The following SLIT3 variants were observed in gnomAD, a reference collection of about 807,000 sequenced individuals.
SLIT3 encodes the protein slit homolog 3 protein.
SLIT3 carries 68 observed loss-of-function variants against 184.0 expected under a neutral mutation model. The observed-to-expected ratio is 0.37, with a 90% confidence interval of 0.30 to 0.45. The LOEUF is 0.45. SLIT3 is among the 20% of genes least tolerant of loss of function. The probability of loss-of-function intolerance (pLI) is 1.00; values close to 1 mark genes in which losing one functional copy is unlikely to be tolerated. For synonymous variants in SLIT3, 831 were observed against 828.6 expected, an observed-to-expected ratio of 1.00 and a Z score of -0.05; for missense variants, 1,707 against 2,026.0, an observed-to-expected ratio of 0.84 and a Z score of 3.02.
intron 4 of SLIT3, among the ~76,000 whole-genome samples, chr5:168,946,989 G>A (rs1309948443): frequency 3.9e-5 from 6 of 152,026 alleles, no homozygotes; most frequent in Non-Finnish European, 8.8e-5. Context: ...GAATGTATGG[G>A]GGTGTATTGT....
chr5:168,825,813 G>A (rs1757685220), intron 6 of SLIT3, among the ~76,000 whole-genome samples: 1 of 152,238 alleles, frequency 6.6e-6, no homozygotes, highest in Non-Finnish European at 1.5e-5. Context: ...TCCTGGGGGT[G>A]AGGGCTATGC....
intron 4 of SLIT3, among the ~76,000 whole-genome samples, chr5:169,170,164 C>T (rs1159527316): frequency 6.6e-6 from 1 of 152,202 alleles, no homozygotes; most frequent in Non-Finnish European, 1.5e-5. Context: ...CACATTTGAA[C>T]ACCTCATGCC....
intron 4 of SLIT3, among the ~76,000 whole-genome samples, chr5:168,968,317 C>T (rs1421185143): frequency 6.6e-6 from 1 of 152,180 alleles, no homozygotes; most frequent in African/African-American, 2.4e-5. Context: ...CCCTGTTACC[C>T]TGGAATTCAA....
chr5:168,775,839 A>C (rs960902328), intron 12 of SLIT3, among the ~76,000 whole-genome samples: 1 of 152,136 alleles, frequency 6.6e-6, no homozygotes, highest in Non-Finnish European at 1.5e-5. Context: ...CTTTGGGTGG[A>C]AGTCTGGGAA....
At chr5:168,728,049 C>CTTCTATGCTGCTCA (rs1212654626) in intron 20 of SLIT3, among the ~76,000 whole-genome samples, 3 of 152,022 alleles carry the variant, frequency 2.0e-5, no homozygotes, top group Non-Finnish European at 4.4e-5. Context: ...GGCTTCCCAC[C>CTTCTATGCTGCTCA]TTCTATGCTG....
intron 3 of SLIT3, among the ~76,000 whole-genome samples, chr5:169,235,788 G>A (rs1347586155): frequency 6.6e-6 from 1 of 152,198 alleles, no homozygotes; most frequent in Admixed American, 6.5e-5. Context: ...TTAAGACTGA[G>A]ATGATGGGTT....
At chr5:169,088,251 C>T (rs986919098) in intron 4 of SLIT3, among the ~76,000 whole-genome samples, 1 of 152,154 alleles carries the variant, frequency 6.6e-6, no homozygotes, top group African/African-American at 2.4e-5. Context: ...CCTGTCCTCC[C>T]TCCTAAGTTG....
At chr5:168,677,272 G>T (rs1313120225) in intron 32 of SLIT3, among the ~76,000 whole-genome samples, 8 of 152,060 alleles carry the variant, frequency 5.3e-5, no homozygotes, top group African/African-American at 1.9e-4. Context: ...TACAACATTG[G>T]TTTTTTGGTT....
intron 12 of SLIT3, among the ~76,000 whole-genome samples, chr5:168,776,781 C>CG (rs1554140739): frequency 6.6e-6 from 1 of 152,078 alleles, no homozygotes; most frequent in Non-Finnish European, 1.5e-5. Flanking sequence ...GAGGACTCAA[C>CG]GGGGTCCAGC....
At chr5:169,094,385 T>G (rs925377770) in intron 4 of SLIT3, among the ~76,000 whole-genome samples, 2 of 152,168 alleles carry the variant, frequency 1.3e-5, no homozygotes, top group Non-Finnish European at 2.9e-5. Context: ...TCCCAGCACT[T>G]TGGGAGGCCA....
At chr5:168,972,903 C>T (rs921173191) in intron 4 of SLIT3, among the ~76,000 whole-genome samples, 16 of 152,162 alleles carry the variant, frequency 1.1e-4, no homozygotes, top group African/African-American at 3.4e-4. Context: ...CCCCCCAGGC[C>T]GTGCCACAGA....
In SLIT3 at chr5:168,749,758, T is replaced by G; in HGVS notation, c.1974-123A>C. On this transcript the variant is annotated intron_variant, in intron 18 of 35. Transcript: ENST00000519560. ...GAGGTCTCAGGAAGGAAACGTAGGC[T>G]CTTCCCCAGATGCAGTCTCTGTGAG... The G allele has an allele frequency of 3.1e-6, 3 of 964,308 alleles. No individual in the cohort carries two copies. The South Asian group carries it at 4.7e-5, about 15-fold the overall frequency. 59.7% of individuals were successfully genotyped at this position (964,308 alleles called of 1,614,324 possible).
At chr5:169,188,526 G>C (rs1217866339) in intron 4 of SLIT3, among the ~76,000 whole-genome samples, 2 of 152,136 alleles carry the variant, frequency 1.3e-5, no homozygotes, top group African/African-American at 4.8e-5. Flanking sequence ...ACAGGTAGAA[G>C]AGCCAGCATG....
rs541553866 is a variant in SLIT3 at position 169,174,016 on chromosome 5, C to G, written c.413+19463G>C. On this transcript the variant is annotated intron_variant, in intron 4 of 35. Coordinates refer to ENST00000519560, the MANE Select transcript of SLIT3 (RefSeq NM_003062.4). ...GTCCTTCCCTGAGGGTTTTCTGGTACAAACGGTACAGAAGACCCTTCTCTG... is the reference window on the plus strand; with the variant it reads ...GTCCTTCCCTGAGGGTTTTCTGGTAGAAACGGTACAGAAGACCCTTCTCTG... 1.2e-4 allele frequency among the ~76,000 whole-genome samples: 19 copies of G among 152,254 alleles called. No homozygotes were observed. The South Asian group carries it at 3.5e-3, about 28-fold the overall frequency.
At chr5:169,037,949 C>G (rs535481294) in intron 4 of SLIT3, 1 of 152,370 alleles carries the variant, frequency 6.6e-6, no homozygotes, top group Admixed American at 6.5e-5. Flanking sequence ...ATAACAATCT[C>G]TTTTCACTCC....
At chr5:168,686,258 T>C (rs554899220) in intron 30 of SLIT3, among the ~76,000 whole-genome samples, 1 of 152,114 alleles carries the variant, frequency 6.6e-6, no homozygotes, top group Admixed American at 6.5e-5. Flanking sequence ...AATCATGGAG[T>C]TGGACTAGAG....
chr5:169,161,006 G>A (rs1419357842), intron 4 of SLIT3, among the ~76,000 whole-genome samples: 1 of 152,212 alleles, frequency 6.6e-6, no homozygotes, highest in Non-Finnish European at 1.5e-5. Flanking sequence ...GCATGGCTTG[G>A]TCTTTCCTCT....
At chr5:168,857,537 T>C (rs1427381537) in intron 5 of SLIT3, among the ~76,000 whole-genome samples, 2 of 152,188 alleles carry the variant, frequency 1.3e-5, no homozygotes, top group Non-Finnish European at 2.9e-5. Context: ...AACAGAGGCA[T>C]GAAATAGATG....
intron 4 of SLIT3, among the ~76,000 whole-genome samples, chr5:169,035,309 T>C (rs982658707): frequency 6.6e-6 from 1 of 151,994 alleles, no homozygotes; most frequent in Non-Finnish European, 1.5e-5. Flanking sequence ...GATGGCAACA[T>C]TGAAGGCCAA....
Sources: allele counts gnomAD v4.1 joint callset (sites outside exome capture counted in the v4.1 genomes callset), GRCh38; gene constraint gnomAD v4.1.1; transcripts MANE v1.5; gene names NCBI Gene and HGNC (gene_info 2026-07-23, HGNC 2026-07-21).